Variants in CCDC30 observed in about 807,000 individuals in gnomAD.
The protein encoded by CCDC30 is coiled-coil domain containing 30, also known as coiled-coil domain-containing protein 30.
A neutral mutation model predicts 100.2 loss-of-function variants in CCDC30; 70 were observed. That is an observed-to-expected ratio of 0.70 (90% CI 0.58 to 0.85). CCDC30 has a LOEUF of 0.85. CCDC30 is among the 40% of genes least tolerant of loss of function. The probability of loss-of-function intolerance (pLI) is 0.00; values close to 1 mark genes in which losing one functional copy is unlikely to be tolerated. For missense variants in CCDC30, 652 were observed against 771.2 expected (o/e 0.85, Z 1.83); for synonymous variants, 233 against 269.5 (o/e 0.86, Z 1.33).
intron 10 of CCDC30, among the ~76,000 whole-genome samples, chr1:42,605,081 C>G (rs933062402): frequency 1.3e-5 from 2 of 152,132 alleles, no homozygotes; most frequent in Non-Finnish European, 2.9e-5. Flanking sequence ...GTATCTCTGG[C>G]CCAATTTCCT....
At chr1:42,493,497 T>G (rs1644179418) in intron 4 of CCDC30, among the ~76,000 whole-genome samples, 1 of 151,934 alleles carries the variant, frequency 6.6e-6, no homozygotes, top group African/African-American at 2.4e-5. Flanking sequence ...GCTGAGGCAG[T>G]AGAATCTCGA....
intron 11 of CCDC30, 120 bp from the exon 16 acceptor site, chr1:42,637,117 A>G: frequency 1.3e-6 from 1 of 745,622 alleles, no homozygotes; most frequent in Non-Finnish European, 2.2e-6. Context: ...AAGTATCCAC[A>G]TCCGGTGCCA....
At chr1:42,504,630 A>AACATTATATAAT (rs1424412236) in intron 6 of CCDC30, among the ~76,000 whole-genome samples, 1 of 152,242 alleles carries the variant, frequency 6.6e-6, no homozygotes, top group African/African-American at 2.4e-5. Flanking sequence ...AACAAATGTT[A>AACATTATATAAT]ATAATGTTAG....
intron 6 of CCDC30, among the ~76,000 whole-genome samples, chr1:42,517,314 C>A (rs1412971007): frequency 6.6e-6 from 1 of 152,190 alleles, no homozygotes; most frequent in African/African-American, 2.4e-5. Context: ...AATTCCTGGC[C>A]TCAAGCAATC....
intron 6 of CCDC30, among the ~76,000 whole-genome samples, chr1:42,565,507 G>C (rs1471020945): frequency 2.0e-5 from 3 of 152,220 alleles, no homozygotes; most frequent in Non-Finnish European, 4.4e-5. Flanking sequence ...ACACCTATTA[G>C]AATGGCTTTT....
exon 10 of CCDC30, chr1:42,589,376 G>C: frequency 6.2e-7 from 1 of 1,613,644 alleles, no homozygotes. Context: ...AACCTTACAA[G>C]ATAAAGAAAA....
chr1:42,578,738 T>C (rs1294115904), intron 8 of CCDC30, among the ~76,000 whole-genome samples: 2 of 152,178 alleles, frequency 1.3e-5, no homozygotes, highest in Admixed American at 6.5e-5. Flanking sequence ...GTTACATGCA[T>C]GTATGTATCA....
intron 6 of CCDC30, among the ~76,000 whole-genome samples, chr1:42,504,039 T>C (rs927801805): frequency 3.9e-5 from 6 of 152,244 alleles, no homozygotes; most frequent in Admixed American, 1.3e-4. Flanking sequence ...TCATTAGCAT[T>C]GTTTCTACAG....
intron 6 of CCDC30, among the ~76,000 whole-genome samples, chr1:42,526,543 T>G (rs1644727222): frequency 6.6e-6 from 1 of 152,224 alleles, no homozygotes; most frequent in South Asian, 2.1e-4. Flanking sequence ...TATTTGGATC[T>G]CTTTTCCAGG....
intron 10 of CCDC30, among the ~76,000 whole-genome samples, chr1:42,603,361 C>A (rs983371255): frequency 6.6e-6 from 1 of 152,146 alleles, no homozygotes; most frequent in African/African-American, 2.4e-5. Flanking sequence ...AATCACCTCC[C>A]AAAGGCTATA....
At chr1:42,599,413 G>A (rs1646357309) in intron 10 of CCDC30, among the ~76,000 whole-genome samples, 1 of 152,098 alleles carries the variant, frequency 6.6e-6, no homozygotes, top group South Asian at 2.1e-4. Context: ...AAGTACAACT[G>A]ATACCCTAAG....
In CCDC30 at chr1:42,504,490, C is replaced by T. The variant is rs139566972; in HGVS notation, c.456+5574C>T. Among the ~76,000 whole-genome samples, 343 of 152,290 alleles carry T rather than the reference C, an allele frequency of 2.3e-3. 2 individuals carry two copies. The highest frequency in any genetic ancestry group is 7.9e-3 in the African/African-American group (327 of 41,558). On this transcript the variant is annotated intron_variant, in intron 6 of 16. Coordinates refer to ENST00000668663, the Ensembl canonical transcript of CCDC30. ...TAGGGTCCTCAGAAGAAAGGCATGT[C>T]GATGCATGGTTCTGTCTGCAGCACC...
rs184947411 is a variant in CCDC30, at chr1:42,536,022, A to G, written c.457-30274A>G. ...CCTGTCTCCTCTGTAAAAATAATGT[A>G]ATAATAATTCCAATCTCATAGGGGT... On this transcript the variant is annotated intron_variant, in intron 6 of 16. Coordinates refer to ENST00000668663, the Ensembl canonical transcript of CCDC30. 4.6e-5 allele frequency among the ~76,000 whole-genome samples: 7 copies of G among 151,852 alleles called. No individual in the cohort carries two copies. The East Asian group carries it at 1.4e-3, about 30-fold the overall frequency.
intron 1 of CCDC30, among the ~76,000 whole-genome samples, chr1:42,476,507 A>G (rs1424807338): frequency 2.0e-5 from 3 of 152,082 alleles, no homozygotes; most frequent in Non-Finnish European, 2.9e-5. Context: ...CTTGACCAAC[A>G]TGGAGAAACC....
rs147385735 is a variant in CCDC30 at position 42,566,040 on chromosome 1, GTAAGT to G, written c.457-254_457-250del. Among the ~76,000 whole-genome samples, 1,243 of 152,052 alleles carry G rather than the reference GTAAGT, an allele frequency of 8.2e-3. 14 individuals carry two copies. Among genetic ancestry groups the G allele is most frequent in the African/African-American group, 0.027 (1,124 of 41,440 alleles). ...TTCTATCATTGATATGAAAAATAAGGTAAGTTGTCTGTGCCTAACTGCTTTTGTTA... is the reference window on the plus strand; with the variant it reads ...TTCTATCATTGATATGAAAAATAAGGTGTCTGTGCCTAACTGCTTTTGTTA... On this transcript the variant is annotated intron_variant, in intron 6 of 16. Transcript: ENST00000668663.
chr1:42,476,306 AT>A (rs1643880557), intron 1 of CCDC30, among the ~76,000 whole-genome samples: 1 of 152,174 alleles, frequency 6.6e-6, no homozygotes, highest in Non-Finnish European at 1.5e-5. Context: ...AGAGTAGTGT[AT>A]TTTTAACTCC....
At chr1:42,652,784 C>G (rs1254936132) in intron 15 of CCDC30, among the ~76,000 whole-genome samples, 5 of 152,078 alleles carry the variant, frequency 3.3e-5, no homozygotes, top group Non-Finnish European at 7.4e-5. Context: ...ACATAAAAGG[C>G]CACATATTGT....
chr1:42,512,081 G>A (rs1318720397), intron 6 of CCDC30, among the ~76,000 whole-genome samples: 3 of 152,194 alleles, frequency 2.0e-5, no homozygotes, highest in African/African-American at 7.2e-5. Context: ...GAAATAAAGG[G>A]ATGGGCTCTG....
At chr1:42,638,121 C>G (rs1316797820) in intron 12 of CCDC30, among the ~76,000 whole-genome samples, 2 of 152,158 alleles carry the variant, frequency 1.3e-5, no homozygotes, top group Admixed American at 6.5e-5. Context: ...GACCCTAGGT[C>G]AAGAATTCCC....
Sources: allele counts gnomAD v4.1 joint callset (sites outside exome capture counted in the v4.1 genomes callset), GRCh38; gene constraint gnomAD v4.1.1; transcripts MANE v1.5; gene names NCBI Gene and HGNC (gene_info 2026-07-23, HGNC 2026-07-21).